TNIK: variants seen among roughly 807,000 people sequenced by gnomAD.
TNIK encodes the protein TRAF2 and NCK-interacting protein kinase.
Under a neutral mutation model 191.3 loss-of-function variants are expected in TNIK, and 49 were observed. The ratio of observed to expected loss-of-function variants is 0.26; its 90% CI spans 0.20 to 0.32. TNIK has a LOEUF of 0.32. TNIK is among the 10% of genes least tolerant of loss of function. The pLI is 1.00. For synonymous variants in TNIK, 594 were observed against 600.9 expected (o/e 0.99, Z 0.17); for missense variants, 1,155 against 1,702.3 (o/e 0.68, Z 5.66).
At chr3:171,115,368 CA>C (rs1184322459) in intron 18 of TNIK, among the ~76,000 whole-genome samples, 1 of 152,156 alleles carries the variant, frequency 6.6e-6, no homozygotes, top group Non-Finnish European at 1.5e-5. Context: ...AGGAGAAGCA[CA>C]AGCCACAGGG....
At chr3:171,085,453 A>G (rs748778727) in intron 24 of TNIK, among the ~76,000 whole-genome samples, 5 of 152,194 alleles carry the variant, frequency 3.3e-5, no homozygotes, top group Non-Finnish European at 7.3e-5. Flanking sequence ...ATCAGACTGC[A>G]AGAATTGTAG....
intron 2 of TNIK, among the ~76,000 whole-genome samples, chr3:171,327,858 T>A (rs143776550): frequency 3.1e-5 from 4 of 130,262 alleles, no homozygotes; most frequent in East Asian, 2.3e-4. Flanking sequence ...ATAGAGCCAA[T>A]ATCAACTTTA....
chr3:171,357,066 G>A (rs868847766), intron 2 of TNIK, among the ~76,000 whole-genome samples: 4 of 152,210 alleles, frequency 2.6e-5, no homozygotes, highest in Middle Eastern at 6.8e-3. Context: ...GAATCATAAA[G>A]CCAGTTTTAA....
Position 171,346,937 on chromosome 3 carries a change from T to A in TNIK, c.123+22683A>T, listed in dbSNP as rs1388983720. The A allele has an allele frequency of 3.0e-5, 15 of 500,014 alleles. 1 individual carries two copies. In the Admixed American group the frequency reaches 5.4e-4, roughly 18 times the overall value. The allele number at this position is 500,014 out of a possible 1,614,324, so 31.0% of individuals were successfully genotyped here. On this transcript the variant is annotated intron_variant, in intron 2 of 32. Coordinates refer to ENST00000436636, the MANE Select transcript of TNIK (RefSeq NM_015028.4). Reference sequence around the variant, plus strand: ...GGTTTTAAACAGGAGAGAGACATGATCAAATAAGCATTTTAATATGACTTT... The same window carrying A: ...GGTTTTAAACAGGAGAGAGACATGAACAAATAAGCATTTTAATATGACTTT...
chr3:171,273,816 C>T (rs1317131023), intron 2 of TNIK, among the ~76,000 whole-genome samples: 2 of 152,128 alleles, frequency 1.3e-5, no homozygotes, highest in African/African-American at 4.8e-5. Context: ...TGATAATGAA[C>T]CTTGCAAACT....
At chr3:171,374,304 C>T (rs1716931173) in intron 1 of TNIK, among the ~76,000 whole-genome samples, 2 of 152,142 alleles carry the variant, frequency 1.3e-5, no homozygotes, top group African/African-American at 4.8e-5. Context: ...AAATAAAATC[C>T]ATAGAGCCTG....
chr3:171,140,555 G>T (rs771117273), intron 12 of TNIK, 46 bp from the exon 13 acceptor site: 1 of 1,579,672 alleles, frequency 6.3e-7, no homozygotes, highest in Non-Finnish European at 8.7e-7. Flanking sequence ...AGGCCCCGGT[G>T]GGGGGTGTCA....
chr3:171,141,035 A>G (rs1730754844), intron 12 of TNIK, among the ~76,000 whole-genome samples: 1 of 152,148 alleles, frequency 6.6e-6, no homozygotes, highest in Non-Finnish European at 1.5e-5. Flanking sequence ...CTTTTCTCAT[A>G]TATCATGCTG....
At chr3:171,304,458 C>T (rs190146191) in intron 2 of TNIK, among the ~76,000 whole-genome samples, 53 of 152,236 alleles carry the variant, frequency 3.5e-4, no homozygotes, top group Admixed American at 2.2e-3. Flanking sequence ...GTGGCGATTC[C>T]TCAGGGATCT....
chr3:171,456,667 A>G (rs1420834006), intron 1 of TNIK, among the ~76,000 whole-genome samples: 1 of 152,224 alleles, frequency 6.6e-6, no homozygotes, highest in Non-Finnish European at 1.5e-5. Context: ...CCAGGGCTGG[A>G]CAAGATGAAT....
intron 2 of TNIK, among the ~76,000 whole-genome samples, chr3:171,277,978 T>C (rs1330392747): frequency 6.6e-6 from 1 of 152,158 alleles, no homozygotes; most frequent in Non-Finnish European, 1.5e-5. Flanking sequence ...CAGGGAGCCA[T>C]GATCATGCCA....
At chr3:171,280,941 C>G (rs1750353952) in intron 2 of TNIK, among the ~76,000 whole-genome samples, 1 of 152,140 alleles carries the variant, frequency 6.6e-6, no homozygotes. Context: ...TAGACAAAAT[C>G]TAGAACACTC....
intron 1 of TNIK, among the ~76,000 whole-genome samples, chr3:171,377,583 T>C (rs1208107686): frequency 6.6e-6 from 1 of 152,230 alleles, no homozygotes; most frequent in Non-Finnish European, 1.5e-5. Context: ...ATTTCTTCCT[T>C]ATGCAACCTG....
At chr3:171,111,814 T>C (rs1725894903) in intron 18 of TNIK, among the ~76,000 whole-genome samples, 1 of 152,188 alleles carries the variant, frequency 6.6e-6, no homozygotes, top group African/African-American at 2.4e-5. Flanking sequence ...TATATCTCTC[T>C]CTCAAAAAGA....
intron 2 of TNIK, among the ~76,000 whole-genome samples, chr3:171,278,178 C>T (rs1749995089): frequency 6.6e-6 from 1 of 152,106 alleles, no homozygotes; most frequent in Admixed American, 6.6e-5. Context: ...TTTGTGGGCC[C>T]CAGTTGGGTA....
chr3:171,294,962 T>G (rs933243952), intron 2 of TNIK, among the ~76,000 whole-genome samples: 4 of 150,724 alleles, frequency 2.7e-5, no homozygotes, highest in Non-Finnish European at 5.9e-5. Flanking sequence ...TCTGCCATCT[T>G]CAACAGAGAT....
intron 2 of TNIK, among the ~76,000 whole-genome samples, chr3:171,285,145 CTATT>C (rs1378274789): frequency 1.3e-5 from 2 of 152,162 alleles, no homozygotes; most frequent in African/African-American, 4.8e-5. Flanking sequence ...AGGATACAGA[CTATT>C]TATTTTCCAT....
chr3:171,201,760 C>T (rs1484342085), intron 4 of TNIK, among the ~76,000 whole-genome samples: 4 of 152,186 alleles, frequency 2.6e-5, no homozygotes, highest in Admixed American at 1.3e-4. Context: ...TAAAAAGCAA[C>T]TTTAATGGCC....
chr3:171,226,222 T>C (rs1054369499), intron 3 of TNIK, among the ~76,000 whole-genome samples: 1 of 152,182 alleles, frequency 6.6e-6, no homozygotes, highest in African/African-American at 2.4e-5. Flanking sequence ...TGCAGCTAGA[T>C]ACAGGCAATG....
Sources: allele counts gnomAD v4.1 joint callset (sites outside exome capture counted in the v4.1 genomes callset), GRCh38; gene constraint gnomAD v4.1.1; transcripts MANE v1.5; gene names NCBI Gene and HGNC (gene_info 2026-07-23, HGNC 2026-07-21).